CDKAL1: variants seen among roughly 807,000 people sequenced by gnomAD.
CDKAL1 encodes the protein threonylcarbamoyladenosine tRNA methylthiotransferase.
In CDKAL1, 32 loss-of-function variants were observed where a neutral mutation model predicts 68.2. That is an observed-to-expected ratio of 0.47 (90% CI 0.35 to 0.63). CDKAL1 has a LOEUF of 0.63. Ranked by LOEUF, CDKAL1 falls within the 30% of genes least tolerant of loss-of-function variation. CDKAL1 has a pLI of 0.00. For synonymous variants in CDKAL1, 234 were observed against 244.3 expected, an observed-to-expected ratio of 0.96 and a Z score of 0.39; for missense variants, 606 against 696.7, an observed-to-expected ratio of 0.87 and a Z score of 1.47.
In CDKAL1 at chr6:21,224,170, C is replaced by T. The variant is rs115649411; in HGVS notation, c.1549-6678C>T. On this transcript the variant is annotated intron_variant, in intron 15 of 15. Transcript: ENST00000274695. ...ATATCCTAATCACCTGAACCTCCAA[C>T]GATGTTACCTTACATGGCAAAAGGA... Among the ~76,000 whole-genome samples the T allele has an allele frequency of 4.6e-3, 700 of 152,232 alleles. 9 individuals carry two copies. The highest frequency in any genetic ancestry group is 0.015 in the African/African-American group (634 of 41,524).
intron 11 of CDKAL1, among the ~76,000 whole-genome samples, chr6:21,015,353 C>G (rs1457589658): frequency 6.6e-6 from 1 of 152,078 alleles, no homozygotes; most frequent in Non-Finnish European, 1.5e-5. Flanking sequence ...TTATTTAAAG[C>G]AAAATGCTTT....
At chr6:21,048,030 A>G (rs997363829) in intron 11 of CDKAL1, among the ~76,000 whole-genome samples, 4 of 152,232 alleles carry the variant, frequency 2.6e-5, no homozygotes, top group Non-Finnish European at 4.4e-5. Context: ...GTATGTACCC[A>G]CTGGCCCTCA....
intron 9 of CDKAL1, among the ~76,000 whole-genome samples, chr6:20,852,261 A>G (rs1327198570): frequency 6.6e-6 from 1 of 152,142 alleles, no homozygotes; most frequent in East Asian, 1.9e-4. Context: ...AGAATAGTGA[A>G]ATAGAGTGAT....
chr6:21,024,724 T>C (rs1561970535), intron 11 of CDKAL1, among the ~76,000 whole-genome samples: 1 of 152,200 alleles, frequency 6.6e-6, no homozygotes, highest in Non-Finnish European at 1.5e-5. Flanking sequence ...ACACAGCTGT[T>C]CCTGCTTTGA....
intron 13 of CDKAL1, among the ~76,000 whole-genome samples, chr6:21,174,929 C>G (rs984743387): frequency 8.5e-5 from 13 of 152,106 alleles, no homozygotes; most frequent in Non-Finnish European, 1.8e-4. Context: ...CATTATATGG[C>G]CTCCTGTGCA....
intron 6 of CDKAL1, among the ~76,000 whole-genome samples, chr6:20,757,555 C>T (rs1283538952): frequency 1.8e-5 from 1 of 55,288 alleles, no homozygotes; most frequent in Non-Finnish European, 4.6e-5. Context: ...TATTTATTTA[C>T]ACACACACAC....
chr6:20,581,100 C>T (rs1765127300), intron 4 of CDKAL1, among the ~76,000 whole-genome samples: 1 of 152,130 alleles, frequency 6.6e-6, no homozygotes, highest in Non-Finnish European at 1.5e-5. Context: ...CCTTAAAATA[C>T]ATTATTAATT....
intron 9 of CDKAL1, among the ~76,000 whole-genome samples, chr6:20,870,971 AC>A (rs1485879103): frequency 6.6e-6 from 1 of 152,180 alleles, no homozygotes; most frequent in East Asian, 1.9e-4. Context: ...AGAAATCATT[AC>A]CCAGGAAAAA....
At chr6:20,632,131 C>A (rs1317971064) in intron 4 of CDKAL1, among the ~76,000 whole-genome samples, 4 of 152,178 alleles carry the variant, frequency 2.6e-5, no homozygotes, top group African/African-American at 4.8e-5. Context: ...TGGAAATGTG[C>A]TTAATACACC....
At chr6:20,729,822 C>T (rs1376655295) in intron 5 of CDKAL1, among the ~76,000 whole-genome samples, 1 of 152,122 alleles carries the variant, frequency 6.6e-6, no homozygotes. Flanking sequence ...CTTTTTGTGC[C>T]TATGCCGTGA....
chr6:20,688,102 C>G (rs1267609415), intron 5 of CDKAL1, among the ~76,000 whole-genome samples: 1 of 151,952 alleles, frequency 6.6e-6, no homozygotes, highest in Admixed American at 6.6e-5. Flanking sequence ...ATCTTTGCTT[C>G]TGTCTAGCTA....
chr6:21,016,854 G>A (rs1768370190), intron 11 of CDKAL1, among the ~76,000 whole-genome samples: 1 of 152,102 alleles, frequency 6.6e-6, no homozygotes, highest in Admixed American at 6.5e-5. Flanking sequence ...AAGTATAGGT[G>A]GGACATTCTC....
chr6:20,594,538 A>G (rs1180752557), intron 4 of CDKAL1, among the ~76,000 whole-genome samples: 1 of 151,962 alleles, frequency 6.6e-6, no homozygotes, highest in African/African-American at 2.4e-5. Flanking sequence ...CTTGGTAAAT[A>G]TTCCTCCATC....
Position 20,546,438 on chromosome 6 carries a change from G to A in CDKAL1, c.88G>A (p.Val30Ile). The A allele has an allele frequency of 1.2e-6, 2 of 1,614,120 alleles. No homozygotes were observed. The highest frequency in any genetic ancestry group is 1.7e-6 in the Non-Finnish European group (2 of 1,179,990). Residue 30 changes from valine to isoleucine, a missense_variant, in exon 3 of 16, where the codon GTA becomes ATA. By Grantham distance (29) the Val-to-Ile change is conservative. Coordinates refer to ENST00000274695, the MANE Select transcript of CDKAL1 (RefSeq NM_017774.3). The part of the protein sequence containing the change: ...EDSKPQDRHF[V>I]RKDVVPKVRR... Reference sequence around the variant, plus strand: ...TTCAAAACCACAAGATAGGCATTTTGTAAGAAAGGATGTTGTCCCGAAGGT... The same window carrying A: ...TTCAAAACCACAAGATAGGCATTTTATAAGAAAGGATGTTGTCCCGAAGGT...
intron 12 of CDKAL1, among the ~76,000 whole-genome samples, chr6:21,075,300 A>T (rs1772011072): frequency 6.7e-6 from 1 of 148,202 alleles, no homozygotes; most frequent in Non-Finnish European, 1.5e-5. Context: ...TTACTTTTAC[A>T]TAAATATTAG....
chr6:21,183,328 T>C (rs779682330), intron 13 of CDKAL1, among the ~76,000 whole-genome samples: 7 of 152,190 alleles, frequency 4.6e-5, no homozygotes, highest in Non-Finnish European at 1.0e-4. Flanking sequence ...TCAGACAGGG[T>C]TCCTCCAGAG....
intron 9 of CDKAL1, among the ~76,000 whole-genome samples, chr6:20,941,980 T>C (rs1763993943): frequency 6.6e-6 from 1 of 152,238 alleles, no homozygotes; most frequent in African/African-American, 2.4e-5. Context: ...AAATACTGAA[T>C]ATTAGCTCTC....
chr6:21,149,308 A>G (rs1319499231), intron 13 of CDKAL1, among the ~76,000 whole-genome samples: 1 of 151,818 alleles, frequency 6.6e-6, no homozygotes, highest in Non-Finnish European at 1.5e-5. Flanking sequence ...AGGCCTGGCT[A>G]ATTTTTTTGT....
At chr6:21,219,406 A>G (rs1779452201) in intron 15 of CDKAL1, among the ~76,000 whole-genome samples, 1 of 152,112 alleles carries the variant, frequency 6.6e-6, no homozygotes, top group African/African-American at 2.4e-5. Context: ...ATTTTGTGGA[A>G]TTTTTCCCCC....
Sources: gnomAD v4.1 joint callset for allele counts (sites outside exome capture counted in the v4.1 genomes callset) on GRCh38, gnomAD v4.1.1 for gene constraint, MANE v1.5 for transcripts, NCBI Gene and HGNC (gene_info 2026-07-23, HGNC 2026-07-21) for gene names.